Variants in NLGN4X observed in about 807,000 individuals in gnomAD.
The protein encoded by NLGN4X is neuroligin-4, X-linked.
NLGN4X carries 3 observed loss-of-function variants against 40.3 expected under a neutral mutation model. The observed-to-expected ratio is 0.07, with a 90% CI of 0.03 to 0.19. The LOEUF is 0.19. Among genes scored for constraint, NLGN4X ranks in the 10% least tolerant of loss-of-function variants. NLGN4X has a pLI of 1.00. For synonymous variants in NLGN4X, 270 were observed against 306.8 expected, an observed-to-expected ratio of 0.88 and a Z score of 1.25; for missense variants, 382 against 708.3, an observed-to-expected ratio of 0.54 and a Z score of 5.23.
In NLGN4X at chrX:6,162,986, G is replaced by A. The variant is rs150394278; in HGVS notation, c.-305-11215C>T. On this transcript the variant is annotated intron_variant, in intron 1 of 5. Transcript: ENST00000381095. ...CTGTGGGAGATAACTGAATCAAGAG[G>A]GCAGTTTCCCCCATACTGTTCTCGT... is the stretch of plus-strand genomic sequence containing the variant. Among the ~76,000 whole-genome samples the A allele has an allele frequency of 6.4e-3, 712 of 111,469 alleles. 4 individuals are homozygous for A. Among genetic ancestry groups the A allele is most frequent in the African/African-American group, 0.022 (679 of 30,600 alleles).
At position 6,225,401 on chromosome X, in the gene NLGN4X, C is replaced by A. The variant is rs781511411; in HGVS notation, c.-306+3140G>T. 3.7e-5 allele frequency among the ~76,000 whole-genome samples: 4 copies of A among 109,435 alleles called. 1 individual carries two copies. In the South Asian group the frequency reaches 1.6e-3, roughly 45 times the overall value. On this transcript the variant is annotated intron_variant, in intron 1 of 5. Coordinates refer to ENST00000381095, the MANE Select transcript of NLGN4X (RefSeq NM_181332.3). Reference sequence around the variant, plus strand: ...TCTGCCCCCACAAAACGGCAGATTTCTTTGCTATCTGATTTCACCCCGCTC... The same window carrying A: ...TCTGCCCCCACAAAACGGCAGATTTATTTGCTATCTGATTTCACCCCGCTC...
At chrX:6,168,315 G>A (rs999481061) in intron 1 of NLGN4X, among the ~76,000 whole-genome samples, 4 of 109,366 alleles carry the variant, frequency 3.7e-5, no homozygotes, top group Non-Finnish European at 5.8e-5. Flanking sequence ...TCAACAAAGC[G>A]AGTGCTATCT....
At chrX:6,067,755 G>A (rs2147351253) in intron 2 of NLGN4X, among the ~76,000 whole-genome samples, 1 of 110,895 alleles carries the variant, frequency 9.0e-6, no homozygotes, top group African/African-American at 3.3e-5. Flanking sequence ...TAAAACAGAT[G>A]GATGTAAATG....
intron 3 of NLGN4X, among the ~76,000 whole-genome samples, chrX:5,993,151 T>C (rs2035726605): frequency 9.0e-6 from 1 of 110,879 alleles, no homozygotes; most frequent in Non-Finnish European, 1.9e-5. Context: ...TCTCGTGGGC[T>C]GTCCTCTGCA....
At chrX:6,185,335 T>G (rs777586895) in intron 1 of NLGN4X, among the ~76,000 whole-genome samples, 3 of 111,888 alleles carry the variant, frequency 2.7e-5, no homozygotes, top group Non-Finnish European at 5.6e-5. Context: ...CAATTGAAAT[T>G]CATGTTTTCA....
chrX:6,107,096 G>A (rs762745374), intron 2 of NLGN4X, among the ~76,000 whole-genome samples: 84 of 112,491 alleles, frequency 7.5e-4, no homozygotes, highest in African/African-American at 2.3e-3. Flanking sequence ...AATTCAATGC[G>A]AAGAATCTTT....
At chrX:6,061,661 C>G (rs2037774796) in intron 2 of NLGN4X, 1 of 111,672 alleles carries the variant, frequency 9.0e-6, no homozygotes, top group Non-Finnish European at 1.9e-5. Flanking sequence ...TACCTCTATT[C>G]AATCTCAACT....
intron 2 of NLGN4X, among the ~76,000 whole-genome samples, chrX:6,086,559 A>G (rs1454544823): frequency 8.9e-6 from 1 of 111,920 alleles, no homozygotes; most frequent in Non-Finnish European, 1.9e-5. Context: ...CAATCCATCA[A>G]TCTTTCTCCC....
In NLGN4X at chrX:6,191,569, G is replaced by C. The variant is rs976185955; in HGVS notation, c.-306+36972C>G. ...GCCTCTACTAAAAATACAAAAATTAGCTGGGTGGGAAGGAAGTTGTGGCTC... is the reference window on the plus strand; with the variant it reads ...GCCTCTACTAAAAATACAAAAATTACCTGGGTGGGAAGGAAGTTGTGGCTC... On this transcript the variant is annotated intron_variant, in intron 1 of 5. Coordinates refer to ENST00000381095, the MANE Select transcript of NLGN4X (RefSeq NM_181332.3). 2.8e-4 allele frequency among the ~76,000 whole-genome samples: 31 copies of C among 111,695 alleles called. No individual in the cohort carries two copies. In the Admixed American group the frequency reaches 2.9e-3, roughly 11 times the overall value.
intron 2 of NLGN4X, among the ~76,000 whole-genome samples, chrX:6,094,603 C>T (rs751801769): frequency 9.0e-6 from 1 of 110,989 alleles, no homozygotes; most frequent in East Asian, 2.9e-4. Context: ...ATGACCTGCA[C>T]AAAGATGACA....
intron 2 of NLGN4X, among the ~76,000 whole-genome samples, chrX:6,122,697 T>C (rs1204197153): frequency 1.8e-5 from 2 of 109,334 alleles, no homozygotes; most frequent in African/African-American, 6.6e-5. Flanking sequence ...AATAATAAAA[T>C]GACCCAAGTA....
chrX:6,153,696 A>G (rs1481052814), intron 1 of NLGN4X, among the ~76,000 whole-genome samples: 1 of 112,314 alleles, frequency 8.9e-6, no homozygotes, highest in Non-Finnish European at 1.9e-5. Context: ...GACTTCTTCC[A>G]AGGTATATAA....
intron 3 of NLGN4X, among the ~76,000 whole-genome samples, chrX:5,976,001 A>G (rs72627596): frequency 0.17 from 18,961 of 110,619 alleles, 1,226 homozygotes; most frequent in East Asian, 0.27. Context: ...AGCAGATTCC[A>G]GTCTCCTTAT....
At chrX:5,929,885 T>C (rs2146859786) in intron 3 of NLGN4X, among the ~76,000 whole-genome samples, 1 of 112,324 alleles carries the variant, frequency 8.9e-6, no homozygotes. Flanking sequence ...GGACAGTCAT[T>C]GGAAAGTATG....
intron 3 of NLGN4X, among the ~76,000 whole-genome samples, chrX:6,025,666 G>A (rs1181968557): frequency 3.6e-5 from 4 of 111,333 alleles, no homozygotes; most frequent in East Asian, 5.7e-4. Context: ...CACTTTGGGA[G>A]GCCAAGGCAG....
rs977547522 is a variant in NLGN4X, at chrX:6,135,397, G to C, written c.472+15598C>G. ...TTAGCTGAAAAAAGGAAATATCCTA[G>C]GTAAGGTTTTGCCCCAAGTTCATCT... On this transcript the variant is annotated intron_variant, in intron 2 of 5. Transcript: ENST00000381095. Among the ~76,000 whole-genome samples, 4 of 111,728 alleles carry C rather than the reference G, an allele frequency of 3.6e-5. No homozygotes were observed. In the Admixed American group the frequency reaches 3.8e-4, roughly 11 times the overall value.
intron 1 of NLGN4X, among the ~76,000 whole-genome samples, chrX:6,203,063 C>T: frequency 8.9e-6 from 1 of 112,648 alleles, no homozygotes; most frequent in Non-Finnish European, 1.9e-5. Flanking sequence ...TCTATCCCTA[C>T]CTCTACTATC....
chrX:6,068,072 CTAAT>C (rs1438689491), intron 2 of NLGN4X, among the ~76,000 whole-genome samples: 1 of 111,771 alleles, frequency 8.9e-6, no homozygotes, highest in Admixed American at 9.5e-5. Flanking sequence ...AATGCTATCT[CTAAT>C]TAAATCTCAC....
At position 5,925,036 on chromosome X, in the gene NLGN4X, TTAA is replaced by T. The variant is rs767196548; in HGVS notation, c.626-15800_626-15798del. 1.4e-4 allele frequency among the ~76,000 whole-genome samples: 16 copies of T among 111,691 alleles called. No individual in the cohort carries two copies. The East Asian group carries it at 4.2e-3, about 30-fold the overall frequency. On this transcript the variant is annotated intron_variant, in intron 3 of 5. Transcript: ENST00000381095. Reference sequence around the variant, plus strand: ...AAAAAAAATTTAAAGTCCCAATTCATTAATAATAAGTTGTTTTGCAAGTAGACA... The same window carrying T: ...AAAAAAAATTTAAAGTCCCAATTCATTAATAAGTTGTTTTGCAAGTAGACA...
Sources: allele counts gnomAD v4.1 joint callset (sites outside exome capture counted in the v4.1 genomes callset), GRCh38; gene constraint gnomAD v4.1.1; transcripts MANE v1.5; gene names NCBI Gene and HGNC (gene_info 2026-07-23, HGNC 2026-07-21).